STKLD1: variants seen among roughly 807,000 people sequenced by gnomAD.
The protein encoded by STKLD1 is serine/threonine kinase like domain containing 1.
Under a neutral mutation model 80.4 loss-of-function variants are expected in STKLD1, and 79 were observed. The observed-to-expected ratio is 0.98, with a 90% CI of 0.82 to 1.19. The LOEUF (loss-of-function observed/expected upper bound fraction) is 1.19, where lower values mean the gene tolerates loss of function less well. STKLD1 is among the 50% of genes most tolerant of loss of function. STKLD1 has a pLI of 0.00. For missense variants in STKLD1, 841 were observed against 856.0 expected, an observed-to-expected ratio of 0.98 and a Z score of 0.22; for synonymous variants, 393 against 357.6, an observed-to-expected ratio of 1.10 and a Z score of -1.12.
intron 2 of STKLD1, among the ~76,000 whole-genome samples, chr9:133,383,327 T>C (rs1355301261): frequency 6.4e-3 from 18 of 2,820 alleles, no homozygotes; most frequent in East Asian, 0.01. Flanking sequence ...GTGATGATGG[T>C]GGTGATGGTG....
At chr9:133,387,394 C>A in intron 4 of STKLD1, 53 bp from the exon 5 acceptor site, 1 of 1,485,282 alleles carries the variant, frequency 6.7e-7, no homozygotes, top group South Asian at 1.1e-5. Context: ...GGTGAGCCTG[C>A]AGAAGCACCG....
Position 133,384,112 on chromosome 9 carries a change from C to G in STKLD1, c.219+212C>G, listed in dbSNP as rs993323017. 1 of 571,036 alleles carries G rather than the reference C, an allele frequency of 1.8e-6. No individual in the cohort carries two copies. The highest frequency in any genetic ancestry group is 3.1e-6 in the Non-Finnish European group (1 of 319,988). 35.4% of individuals were successfully genotyped at this position (571,036 alleles called of 1,614,324 possible). A position where few individuals can be genotyped will look rare whatever the true frequency, so the allele number is the denominator to read the frequency against. ...ACTCACTGCTAAATGCAGGTGCCGA[C>G]AACTTAGAACATATGTTCCCAGAGA... On this transcript the variant is annotated intron_variant, in intron 3 of 17. Transcript: ENST00000371957. The surrounding 1 kb of genome is among the most constrained non-coding windows in gnomAD (Gnocchi z 4.3).
Position 133,394,366 on chromosome 9 carries a change from T to C in STKLD1, c.659T>C (p.Leu220Pro), listed in dbSNP as rs45567636. ...SFSQKSDIWS[L>P]GCIILDMTSC... is the part of the protein sequence containing the mutation. ...AGCCAGAAATCAGACATCTGGTCCC[T>C]GGGCTGCATCATTCTGGACATGACC... The change falls in exon 8 of 18, where the codon CTG becomes CCG. Residue 220 changes from leucine (L) to proline (P), a missense_variant. Coordinates refer to ENST00000371957, the MANE Select transcript of STKLD1 (RefSeq NM_153710.5). The surrounding 1 kb of genome is among the most constrained non-coding windows in gnomAD (Gnocchi z 4.9). The C allele has an allele frequency of 7.4e-6, 12 of 1,613,776 alleles. No homozygotes were observed. In the African/African-American group the frequency reaches 8.0e-5, roughly 11 times the overall value.
At chr9:133,379,984 G>T (rs1265835036) in intron 2 of STKLD1, among the ~76,000 whole-genome samples, 1 of 152,132 alleles carries the variant, frequency 6.6e-6, no homozygotes, top group East Asian at 1.9e-4. Flanking sequence ...TGGCCCCCTT[G>T]TCTCACAAGC....
rs960671503 is a variant in STKLD1 at position 133,394,997 on chromosome 9, C to T, written c.702+588C>T. 2.0e-5 allele frequency among the ~76,000 whole-genome samples: 3 copies of T among 152,168 alleles called. No individual in the cohort carries two copies. Among genetic ancestry groups the T allele is most frequent in the Non-Finnish European group, 4.4e-5 (3 of 68,028 alleles). ...AGGGAGGCAGGGAAGTCCAGCCTGT[C>T]GCTTCCTATCCTCTATATGCAGAAG... On this transcript the variant is annotated intron_variant, in intron 8 of 17. Coordinates refer to ENST00000371957, the MANE Select transcript of STKLD1 (RefSeq NM_153710.5). The surrounding 1 kb of genome is among the most constrained non-coding windows in gnomAD (Gnocchi z 4.9).
intron 2 of STKLD1, among the ~76,000 whole-genome samples, chr9:133,383,230 GATA>G (rs1838182702): frequency 6.8e-6 from 1 of 146,326 alleles, no homozygotes; most frequent in Non-Finnish European, 1.5e-5. Context: ...TGATGGTGAT[GATA>G]GTGATGATGG....
intron 5 of STKLD1, among the ~76,000 whole-genome samples, chr9:133,387,997 C>T (rs1025492852): frequency 1.3e-5 from 2 of 152,322 alleles, no homozygotes; most frequent in Middle Eastern, 3.4e-3. Flanking sequence ...GGCTGTTTAC[C>T]TAGTCTCATT....
chr9:133,397,305 G>A lies in STKLD1; in HGVS notation c.997+11G>A. On this transcript the variant is annotated intron_variant, in intron 10 of 17. Transcript: ENST00000371957. ...TGGCCAGCATTTTAGGTGATGCTGGGGACACAAAGGGGGAGCGTGCCCTGA... is the reference window on the plus strand; with the variant it reads ...TGGCCAGCATTTTAGGTGATGCTGGAGACACAAAGGGGGAGCGTGCCCTGA... 1 of 1,612,616 alleles carries A rather than the reference G, an allele frequency of 6.2e-7. No individual in the cohort carries two copies. The highest frequency in any genetic ancestry group is 1.7e-4 in the Middle Eastern group (1 of 6,060).
chr9:133,385,574 G>A lies in STKLD1; in HGVS notation c.220-43G>A, dbSNP rs2130274763. 0.078 allele frequency: 123,715 copies of A among 1,589,890 alleles called. 5,311 individuals are homozygous for A. The highest frequency in any genetic ancestry group is 0.089 in the Non-Finnish European group (102,704 of 1,159,626). ...AGAAGCCCGAGCTGAGAAAGGCGTG[G>A]AGAGGCACTGACTTCTCCGTTTCCT... On this transcript the variant is annotated intron_variant, in intron 3 of 17. Transcript: ENST00000371957. This position sits in a 1 kb window ranked among gnomAD's most constrained non-coding sequence, Gnocchi z 4.9.
At chr9:133,380,423 G>A (rs1271690814) in intron 2 of STKLD1, among the ~76,000 whole-genome samples, 3 of 152,134 alleles carry the variant, frequency 2.0e-5, no homozygotes, top group Non-Finnish European at 4.4e-5. Flanking sequence ...GGAGGCCGAG[G>A]CAGGCAGATC....
rs1028890078 is a variant in STKLD1 at position 133,390,839 on chromosome 9, C to A, written c.583+43C>A. ...AGGTTGTGGGAGAGGGGGTTGGCGC[C>A]TAGAATCCAGGCGGCGTTGGCCACT... On this transcript the variant is annotated intron_variant, in intron 7 of 17. Coordinates refer to ENST00000371957, the MANE Select transcript of STKLD1 (RefSeq NM_153710.5). This position sits in a 1 kb window ranked among gnomAD's most constrained non-coding sequence, Gnocchi z 5.1. 3 of 1,543,330 alleles carry A rather than the reference C, an allele frequency of 1.9e-6. No individual in the cohort carries two copies. The African/African-American group carries it at 4.1e-5, about 21-fold the overall frequency.
chr9:133,404,900 G>A lies in STKLD1; in HGVS notation c.1844G>A (p.Gly615Asp). 1.9e-6 allele frequency: 3 copies of A among 1,613,442 alleles called. No homozygotes were observed. The highest frequency in any genetic ancestry group is 2.5e-6 in the Non-Finnish European group (3 of 1,179,842). Residue 615 changes from glycine to aspartate, a missense_variant, in exon 17 of 18, where the codon GGC (glycine) becomes GAC (aspartate). Gly to Asp is a moderately conservative substitution (Grantham distance 94). Transcript: ENST00000371957. Reference protein sequence around the residue: ...RDDPEVVENVGMLLVHLASYE... With the variant: ...RDDPEVVENVDMLLVHLASYE... Reference sequence around the variant, plus strand: ...GACCCGGAGGTGGTGGAGAACGTGGGCATGCTGCTGGTCCACCTGGCTTCC... The same window carrying A: ...GACCCGGAGGTGGTGGAGAACGTGGACATGCTGCTGGTCCACCTGGCTTCC...
intron 17 of STKLD1, 89 bp downstream of exon 17, chr9:133,405,018 G>A (rs1056193597): frequency 1.3e-6 from 2 of 1,538,292 alleles, no homozygotes; most frequent in Non-Finnish European, 1.8e-6. Context: ...AGGAGCACAT[G>A]GAAGGTGGGC....
intron 14 of STKLD1, among the ~76,000 whole-genome samples, chr9:133,403,389 G>C (rs1838759944): frequency 1.3e-5 from 2 of 152,160 alleles, no homozygotes; most frequent in Non-Finnish European, 2.9e-5. Context: ...ATTCACAGTA[G>C]GGGGCCCCCT....
chr9:133,396,329 G>C (rs1838562715), intron 9 of STKLD1, among the ~76,000 whole-genome samples: 3 of 152,216 alleles, frequency 2.0e-5, no homozygotes, highest in African/African-American at 7.2e-5. Context: ...CAGCTACTGG[G>C]GAGGCTGAGG....
rs1224298909 is a variant in STKLD1, at chr9:133,385,692, G to A, written c.294+1G>A. The A allele has an allele frequency of 2.5e-6, 4 of 1,612,898 alleles. No homozygotes were observed. Among genetic ancestry groups the A allele is most frequent in the Non-Finnish European group, 2.5e-6 (3 of 1,179,932 alleles). ...GCTGTTCATCACGTGGAATGGGGAG[G>A]TGGGTCAGAGCTGACACCTACGGGC... On this transcript the variant is annotated splice_donor_variant, in intron 4 of 17. Transcript: ENST00000371957. LOFTEE classifies it high-confidence loss of function. The surrounding 1 kb of genome is among the most constrained non-coding windows in gnomAD (Gnocchi z 4.9).
rs1321765288 is a variant in STKLD1, at chr9:133,404,903, T to G, written c.1847T>G (p.Met616Arg). 2 of 1,613,340 alleles carry G rather than the reference T, an allele frequency of 1.2e-6. No individual in the cohort carries two copies. The highest frequency in any genetic ancestry group is 1.7e-6 in the Non-Finnish European group (2 of 1,179,850). Residue 616 changes from methionine to arginine, a missense_variant, in exon 17 of 18, where the codon ATG (methionine) becomes AGG (arginine). Coordinates refer to ENST00000371957, the MANE Select transcript of STKLD1 (RefSeq NM_153710.5). ...CCGGAGGTGGTGGAGAACGTGGGCATGCTGCTGGTCCACCTGGCTTCCTAT... is the reference window on the plus strand; with the variant it reads ...CCGGAGGTGGTGGAGAACGTGGGCAGGCTGCTGGTCCACCTGGCTTCCTAT... ...DDPEVVENVG[M>R]LLVHLASYEE...
chr9:133,404,726 G>A, intron 16 of STKLD1, 63 bp from the exon 17 acceptor site: 15 of 1,585,954 alleles, frequency 9.5e-6, no homozygotes, highest in Non-Finnish European at 1.3e-5. Context: ...TCCCGTCCTG[G>A]GCAGAAGGCT....
At chr9:133,399,416 C>G (rs1358082103) in intron 11 of STKLD1, among the ~76,000 whole-genome samples, 1 of 152,138 alleles carries the variant, frequency 6.6e-6, no homozygotes, top group African/African-American at 2.4e-5. Flanking sequence ...CCCTCCCTCC[C>G]CTCCTCCTCT....
Sources: gnomAD v4.1 joint callset for allele counts (sites outside exome capture counted in the v4.1 genomes callset) on GRCh38, gnomAD v4.1.1 for gene constraint, Gnocchi (gnomAD v3.1) non-coding constraint, MANE v1.5 for transcripts, NCBI Gene and HGNC (gene_info 2026-07-23, HGNC 2026-07-21) for gene names.